The following ROCK1 variants were observed in gnomAD, a reference collection of about 807,000 sequenced individuals.
ROCK1 encodes rho-associated protein kinase 1.
A neutral mutation model predicts 196.8 loss-of-function variants in ROCK1; 36 were observed. The ratio of observed to expected loss-of-function variants is 0.18; its 90% CI spans 0.14 to 0.24. The LOEUF (loss-of-function observed/expected upper bound fraction) is 0.24. Among genes scored for constraint, ROCK1 ranks in the 10% least tolerant of loss-of-function variants. The pLI, the probability that ROCK1 is intolerant of heterozygous loss-of-function variation, is 1.00. For missense variants in ROCK1, 920 were observed against 1,562.0 expected (o/e 0.59, Z 6.93); for synonymous variants, 443 against 515.9 (o/e 0.86, Z 1.91).
At chr18:20,976,983 CT>C (rs1251929579) in intron 22 of ROCK1, among the ~76,000 whole-genome samples, 1 of 152,128 alleles carries the variant, frequency 6.6e-6, no homozygotes, top group South Asian at 2.1e-4. Context: ...AATCCTACTT[CT>C]TTTACTTCCT....
intron 12 of ROCK1, among the ~76,000 whole-genome samples, chr18:21,016,950 A>G (rs1177292751): frequency 2.0e-5 from 3 of 151,268 alleles, no homozygotes; most frequent in African/African-American, 7.3e-5. Flanking sequence ...TTCTCATCTC[A>G]GGCTTTTCCT....
At chr18:21,063,479 G>A in intron 2 of ROCK1, among the ~76,000 whole-genome samples, 1 of 139,290 alleles carries the variant, frequency 7.2e-6, no homozygotes, top group East Asian at 2.0e-4. Context: ...AACAACATCT[G>A]AAAAGTCTTA....
intron 32 of ROCK1, among the ~76,000 whole-genome samples, chr18:20,952,761 G>C (rs2035202516): frequency 6.6e-6 from 1 of 151,788 alleles, no homozygotes; most frequent in African/African-American, 2.4e-5. Context: ...CTGGGTGACA[G>C]AGTGAGACTC....
chr18:21,097,168 T>C (rs1489673831), intron 1 of ROCK1, among the ~76,000 whole-genome samples: 2 of 152,154 alleles, frequency 1.3e-5, no homozygotes, highest in Admixed American at 6.5e-5. Context: ...AGTAAATAGG[T>C]ACACTGAGAC....
chr18:21,109,475 A>T (rs2036730967), intron 1 of ROCK1, among the ~76,000 whole-genome samples: 1 of 152,242 alleles, frequency 6.6e-6, no homozygotes, highest in Non-Finnish European at 1.5e-5. Context: ...TAGAAGTTAT[A>T]GAAATCCTTA....
At chr18:20,998,274 C>A (rs1598522473) in intron 16 of ROCK1, among the ~76,000 whole-genome samples, 1 of 152,004 alleles carries the variant, frequency 6.6e-6, no homozygotes, top group Non-Finnish European at 1.5e-5. Context: ...ACAAAACATA[C>A]AAAAGCCAAT....
chr18:21,087,414 C>T (rs1172717777), intron 1 of ROCK1, among the ~76,000 whole-genome samples: 1 of 151,620 alleles, frequency 6.6e-6, no homozygotes, highest in Non-Finnish European at 1.5e-5. Context: ...AAACATGACC[C>T]ATCCACAGAC....
chr18:21,108,934 A>T (rs530699122), intron 1 of ROCK1, among the ~76,000 whole-genome samples: 4 of 152,260 alleles, frequency 2.6e-5, no homozygotes, highest in African/African-American at 7.2e-5. Context: ...ATCTAACGCT[A>T]ATATTTCCTT....
At position 21,042,171 on chromosome 18, in the gene ROCK1, A is replaced by C; in HGVS notation, c.885T>G (p.Asn295Lys). ...GTYSKIMNHK[N>K]SLTFPDDNDI... The stretch of plus-strand genomic sequence containing the variant: ...CATTATCATCAGGAAAGGTAAGTGA[A>C]TTTTTATGGTTCATAATTTTACTGT... The change falls in exon 8 of 33, where the codon AAT becomes AAG. Residue 295 changes from asparagine to lysine, a missense_variant. Asn to Lys is a moderately conservative substitution (Grantham distance 94). Transcript: ENST00000399799. 1 of 1,606,386 alleles carries C rather than the reference A, an allele frequency of 6.2e-7. No homozygotes were observed. Among genetic ancestry groups the C allele is most frequent in the Non-Finnish European group, 8.5e-7 (1 of 1,177,196 alleles).
At chr18:21,043,583 T>C (rs1490674695) in intron 6 of ROCK1, among the ~76,000 whole-genome samples, 1 of 148,228 alleles carries the variant, frequency 6.7e-6, no homozygotes, top group African/African-American at 2.5e-5. Context: ...AATGTATATG[T>C]ATATACATAT....
intron 20 of ROCK1, 36 bp from the exon 21 acceptor site, chr18:20,982,868 C>A: frequency 1.1e-6 from 1 of 927,228 alleles, no homozygotes; most frequent in South Asian, 1.4e-5. Context: ...AACAAACGCT[C>A]CTACTTATAC....
intron 1 of ROCK1, among the ~76,000 whole-genome samples, chr18:21,074,683 GTTA>G (rs1270574551): frequency 1.3e-5 from 2 of 152,152 alleles, no homozygotes; most frequent in Admixed American, 6.5e-5. Context: ...GTATTTAGCT[GTTA>G]TACTGTAATT....
chr18:20,970,325 A>C (rs780937742), intron 23 of ROCK1, 23 bp downstream of exon 23: 1 of 1,592,204 alleles, frequency 6.3e-7, no homozygotes, highest in Admixed American at 1.7e-5. Context: ...ATTTTATATA[A>C]CTTACCTGAC....
At chr18:21,093,838 C>T (rs187746416) in intron 1 of ROCK1, among the ~76,000 whole-genome samples, 12 of 152,150 alleles carry the variant, frequency 7.9e-5, no homozygotes, top group African/African-American at 2.4e-4. Flanking sequence ...CACCTGTAGT[C>T]CCAGCTACTC....
chr18:21,075,118 CG>C (rs1568402525), intron 1 of ROCK1, among the ~76,000 whole-genome samples: 2 of 151,996 alleles, frequency 1.3e-5, no homozygotes, highest in African/African-American at 4.8e-5. Flanking sequence ...GGAATTTCTG[CG>C]GGGGAGAAAG....
chr18:21,105,239 C>G (rs2036693586), intron 1 of ROCK1, among the ~76,000 whole-genome samples: 1 of 152,062 alleles, frequency 6.6e-6, no homozygotes, highest in South Asian at 2.1e-4. Context: ...CATGTCAGAG[C>G]CTAGATTTCA....
chr18:21,076,766 CA>C (rs1328789986), intron 1 of ROCK1, among the ~76,000 whole-genome samples: 1 of 151,864 alleles, frequency 6.6e-6, no homozygotes, highest in African/African-American at 2.4e-5. Flanking sequence ...TAGGAAGCTC[CA>C]AGCTCTCCTT....
chr18:20,976,731 T>G (rs1022966926), intron 22 of ROCK1, among the ~76,000 whole-genome samples: 7 of 152,204 alleles, frequency 4.6e-5, no homozygotes. Flanking sequence ...TTCTTATCTT[T>G]TATCTGCATT....
At chr18:20,963,473 G>A (rs1214014957) in intron 27 of ROCK1, among the ~76,000 whole-genome samples, 2 of 151,902 alleles carry the variant, frequency 1.3e-5, no homozygotes, top group African/African-American at 2.4e-5. Flanking sequence ...CAAATCACTA[G>A]ATTTGGGCAA....
Sources: gnomAD v4.1 joint callset for allele counts (sites outside exome capture counted in the v4.1 genomes callset) on GRCh38, gnomAD v4.1.1 for gene constraint, MANE v1.5 for transcripts, NCBI Gene and HGNC (gene_info 2026-07-23, HGNC 2026-07-21) for gene names.